Variants in GRID1 observed in about 807,000 individuals in gnomAD.
GRID1 encodes glutamate receptor ionotropic, delta-1.
GRID1 carries 28 observed loss-of-function variants against 98.0 expected under a neutral mutation model. The ratio of observed to expected loss-of-function variants is 0.29; its 90% CI spans 0.21 to 0.39. The LOEUF (loss-of-function observed/expected upper bound fraction) is 0.39, where lower values mean the gene tolerates loss of function less well. Ranked by LOEUF, GRID1 falls within the 10% of genes least tolerant of loss-of-function variation. The probability of loss-of-function intolerance (pLI) is 1.00; values close to 1 mark genes in which losing one functional copy is unlikely to be tolerated. For synonymous variants in GRID1, 553 were observed against 538.5 expected (o/e 1.03, Z -0.37); for missense variants, 1,111 against 1,340.5 (o/e 0.83, Z 2.67).
intron 4 of GRID1, among the ~76,000 whole-genome samples, chr10:86,007,811 T>C (rs1842880351): frequency 6.8e-6 from 1 of 147,660 alleles, no homozygotes. Context: ...TTTTTTTTGT[T>C]TTTTGTGTTT....
chr10:86,342,615 G>C (rs1451385530), intron 2 of GRID1, among the ~76,000 whole-genome samples: 2 of 152,228 alleles, frequency 1.3e-5, no homozygotes, highest in African/African-American at 4.8e-5. Context: ...GCAGGCCTGA[G>C]GGACATCCAG....
rs560740543 is a variant in GRID1, at chr10:86,223,659, T to C, written c.236-17011A>G. 2.6e-5 allele frequency among the ~76,000 whole-genome samples: 4 copies of C among 152,346 alleles called. No homozygotes were observed. In the South Asian group the frequency reaches 6.2e-4, roughly 24 times the overall value. On this transcript the variant is annotated intron_variant, in intron 2 of 15. Coordinates refer to ENST00000327946, the MANE Select transcript of GRID1 (RefSeq NM_017551.3). ...CCAACAAGGGCAGCTCAGCTCAGGC[T>C]TTGAGGCAGGGGCACTCCCTCCCTC...
At chr10:86,319,000 G>C (rs918786583) in intron 2 of GRID1, among the ~76,000 whole-genome samples, 1 of 152,150 alleles carries the variant, frequency 6.6e-6, no homozygotes, top group Non-Finnish European at 1.5e-5. Context: ...TAGGTCTCAC[G>C]GAGACAGTGA....
In GRID1 at chr10:86,016,146, CTT is replaced by C. The variant is rs34064996; in HGVS notation, c.727-99909_727-99908del. ...TCAGACTGACCCCAAAGAGCACCATCTTTTTTTTTTTTTTTTTTGAAACAGAG... is the reference window on the plus strand; with the variant it reads ...TCAGACTGACCCCAAAGAGCACCATCTTTTTTTTTTTTTTTTGAAACAGAG... On this transcript the variant is annotated intron_variant, in intron 4 of 15. Transcript: ENST00000327946. Among the ~76,000 whole-genome samples, 1,176 of 132,372 alleles carry C rather than the reference CTT, an allele frequency of 8.9e-3. 15 individuals carry two copies. Among genetic ancestry groups the C allele is most frequent in the African/African-American group, 0.028 (1,046 of 36,894 alleles). 86.8% of individuals were successfully genotyped at this position (132,372 alleles called of 152,430 possible). A position where few individuals can be genotyped will look rare whatever the true frequency, so the allele number is the denominator to read the frequency against.
intron 8 of GRID1, among the ~76,000 whole-genome samples, chr10:85,850,407 T>C (rs552349338): frequency 6.6e-6 from 1 of 152,180 alleles, no homozygotes; most frequent in Non-Finnish European, 1.5e-5. Context: ...AATAAAATCT[T>C]ATCAGAGGTG....
intron 12 of GRID1, among the ~76,000 whole-genome samples, chr10:85,710,833 GC>G (rs1841574154): frequency 6.6e-6 from 1 of 151,964 alleles, no homozygotes; most frequent in South Asian, 2.1e-4. Context: ...AAGGAGATAT[GC>G]AAATTTGACA....
intron 12 of GRID1, among the ~76,000 whole-genome samples, chr10:85,711,498 T>C (rs1375715735): frequency 2.0e-5 from 3 of 152,048 alleles, no homozygotes; most frequent in East Asian, 1.9e-4. Context: ...AGTTCTTTCA[T>C]AGGTACAGAT....
At chr10:85,921,070 G>A (rs1273370433) in intron 4 of GRID1, among the ~76,000 whole-genome samples, 2 of 152,232 alleles carry the variant, frequency 1.3e-5, no homozygotes, top group African/African-American at 4.8e-5. Flanking sequence ...AATTAAGGAT[G>A]TAAGAAGTTG....
Position 86,206,490 on chromosome 10 carries a change from G to A in GRID1, c.394C>T (p.Pro132Ser), listed in dbSNP as rs1291746299. ...GSPRTACHLN[P>S]SPDGEAYTLA... is the part of the protein sequence containing the mutation. ...GTGTAGGCCTCACCATCGGGGCTGGGGTTCAGGTGGCATGCGGTGCGTGGC... is the reference window on the plus strand; with the variant it reads ...GTGTAGGCCTCACCATCGGGGCTGGAGTTCAGGTGGCATGCGGTGCGTGGC... The change falls in exon 3 of 16, where the codon CCC (proline) becomes TCC (serine). Residue 132 changes from proline to serine, a missense_variant. Physicochemically the swap from Pro to Ser is moderately conservative, Grantham distance 74. Around this residue, in one of 3 missense-constraint regions of GRID1, gnomAD observed 346 missense variants for 452.3 expected, o/e 0.76. Coordinates refer to ENST00000327946, the MANE Select transcript of GRID1 (RefSeq NM_017551.3). The surrounding 1 kb of genome is among the most constrained non-coding windows in gnomAD (Gnocchi z 4.1). 6.2e-7 allele frequency: 1 copy of A among 1,614,236 alleles called. No homozygotes were observed.
At chr10:86,346,042 C>T (rs980277994) in intron 2 of GRID1, among the ~76,000 whole-genome samples, 2 of 152,238 alleles carry the variant, frequency 1.3e-5, no homozygotes, top group Non-Finnish European at 2.9e-5. Flanking sequence ...GGCACCACCC[C>T]TGTGCTCCCA....
intron 4 of GRID1, among the ~76,000 whole-genome samples, chr10:85,931,818 A>G (rs1841853870): frequency 6.6e-6 from 1 of 152,176 alleles, no homozygotes; most frequent in Admixed American, 6.5e-5. Context: ...AGCTCATTGA[A>G]GGGTATGGGT....
chr10:86,127,762 G>A (rs1014021260), intron 4 of GRID1, among the ~76,000 whole-genome samples: 95 of 152,260 alleles, frequency 6.2e-4, no homozygotes, highest in African/African-American at 2.3e-3. Flanking sequence ...CACAGAGTGA[G>A]TAGGAGCTAT....
chr10:86,060,808 A>C (rs188982900), intron 4 of GRID1, among the ~76,000 whole-genome samples: 1 of 152,242 alleles, frequency 6.6e-6, no homozygotes. Flanking sequence ...ATGGCCAGCA[A>C]GCTCCTTGGA....
intron 13 of GRID1, among the ~76,000 whole-genome samples, chr10:85,629,373 A>T (rs947897530): frequency 6.6e-6 from 1 of 151,432 alleles, no homozygotes; most frequent in Non-Finnish European, 1.5e-5. Flanking sequence ...CTCATCCCTT[A>T]CCCCCATCCC....
At chr10:85,819,828 C>T (rs2131750080) in intron 8 of GRID1, among the ~76,000 whole-genome samples, 1 of 152,060 alleles carries the variant, frequency 6.6e-6, no homozygotes, top group Admixed American at 6.6e-5. Flanking sequence ...GCAGGAGAAT[C>T]ACTTGAACCC....
At chr10:86,276,802 C>T (rs968336148) in intron 2 of GRID1, among the ~76,000 whole-genome samples, 10 of 151,884 alleles carry the variant, frequency 6.6e-5, no homozygotes, top group Admixed American at 3.3e-4. Flanking sequence ...CAATAAGATT[C>T]GACATCCAAT....
intron 4 of GRID1, among the ~76,000 whole-genome samples, chr10:86,055,177 C>T (rs1161341351): frequency 1.3e-5 from 2 of 152,152 alleles, no homozygotes; most frequent in African/African-American, 4.8e-5. Flanking sequence ...TGTAGTATCA[C>T]GAGAAATAAA....
At chr10:85,955,034 C>A (rs774668480) in intron 4 of GRID1, among the ~76,000 whole-genome samples, 3 of 152,150 alleles carry the variant, frequency 2.0e-5, no homozygotes, top group Non-Finnish European at 4.4e-5. Context: ...ATACAAAAAA[C>A]ATGCCATTGA....
chr10:86,252,452 G>A (rs543463062), intron 2 of GRID1, among the ~76,000 whole-genome samples: 1 of 152,364 alleles, frequency 6.6e-6, no homozygotes, highest in African/African-American at 2.4e-5. Context: ...ACACTGCACT[G>A]TAAGGATTAC....
Sources: gnomAD v4.1 joint callset for allele counts (sites outside exome capture counted in the v4.1 genomes callset) on GRCh38, gnomAD v4.1.1 for gene constraint, gnomAD v4.1.1 regional missense constraint, Gnocchi (gnomAD v3.1) non-coding constraint, MANE v1.5 for transcripts, NCBI Gene and HGNC (gene_info 2026-07-23, HGNC 2026-07-21) for gene names.